Variants in WFDC9 observed in about 807,000 individuals in gnomAD.
WFDC9 encodes WAP four-disulfide core domain 9, also known as protein WFDC9.
Under a neutral mutation model 9.5 loss-of-function variants are expected in WFDC9, and 9 were observed. That is an observed-to-expected ratio of 0.95 (90% CI 0.57 to 1.65). The LOEUF is 1.65. Among genes scored for constraint, WFDC9 ranks in the 40% most tolerant of loss-of-function variants. The pLI, the probability that WFDC9 is intolerant of heterozygous loss-of-function variation, is 0.00. For missense variants in WFDC9, 87 were observed against 106.7 expected (o/e 0.82, Z 0.81); for synonymous variants, 33 against 32.3 (o/e 1.02, Z -0.07).
At chr20:45,629,768 C>G (rs1982310074) in intron 1 of WFDC9, 1 of 1,597,120 alleles carries the variant, frequency 6.3e-7, no homozygotes, top group South Asian at 1.1e-5. Flanking sequence ...GCAGGGAAGT[C>G]TGTGACAACC....
Position 45,631,066 on chromosome 20 carries a change from C to A in WFDC9, c.-153+137G>T, listed in dbSNP as rs116050679. ...GCATCCTGCTTCCCAACTCCTCTAT[C>A]CAAGACTGTGCCCACATCCGAAGCA... On this transcript the variant is annotated intron_variant, in intron 1 of 4. Coordinates refer to ENST00000326000, the MANE Select transcript of WFDC9 (RefSeq NM_147198.4). 2,443 of 1,515,428 alleles carry A rather than the reference C, an allele frequency of 1.6e-3. 19 individuals carry two copies. In the African/African-American group the frequency reaches 0.018, roughly 11 times the overall value. The allele number at this position is 1,515,428 out of a possible 1,614,324, so 93.9% of individuals were successfully genotyped here.
At chr20:45,609,455 C>A (rs1981808559) in intron 3 of WFDC9, among the ~76,000 whole-genome samples, 1 of 152,108 alleles carries the variant, frequency 6.6e-6, no homozygotes, top group Non-Finnish European at 1.5e-5. Flanking sequence ...CCCACCTCAG[C>A]CTCCCAAAGT....
chr20:45,608,628 C>T, intron 4 of WFDC9, 35 bp downstream of exon 4: 1 of 1,594,480 alleles, frequency 6.3e-7, no homozygotes. Context: ...ATGAAGCATG[C>T]CCAGGCCCTA....
At chr20:45,627,064 T>C (rs912433698) in intron 1 of WFDC9, among the ~76,000 whole-genome samples, 1 of 152,248 alleles carries the variant, frequency 6.6e-6, no homozygotes, top group African/African-American at 2.4e-5. Context: ...TTTCTGTATC[T>C]ACTGAGATTA....
At chr20:45,621,058 G>T (rs1357102400) in intron 1 of WFDC9, among the ~76,000 whole-genome samples, 1 of 151,828 alleles carries the variant, frequency 6.6e-6, no homozygotes, top group Non-Finnish European at 1.5e-5. Flanking sequence ...TTAAATATTT[G>T]TTTTTATTTC....
Position 45,608,004 on chromosome 20 carries a change from A to T in WFDC9, c.*106T>A. On this transcript the variant is annotated 3_prime_UTR_variant, in exon 5 of 5. Transcript: ENST00000326000. ...TAAAGAGGTCAAGGAAATAGCAGAA[A>T]GGTTACCAGCTAGAGCCAGTGGGTG... 1 of 1,270,116 alleles carries T rather than the reference A, an allele frequency of 7.9e-7. No homozygotes were observed. Among genetic ancestry groups the T allele is most frequent in the Non-Finnish European group, 1.1e-6 (1 of 880,944 alleles). The allele number at this position is 1,270,116 out of a possible 1,614,324, so 78.7% of individuals were successfully genotyped here. A position where few individuals can be genotyped will look rare whatever the true frequency, so the allele number is the denominator to read the frequency against.
At chr20:45,611,140 A>G (rs78045765) in intron 2 of WFDC9, among the ~76,000 whole-genome samples, 5,342 of 152,324 alleles carry the variant, frequency 0.035, 103 homozygotes, top group Middle Eastern at 0.088. Flanking sequence ...GACCAGAAGC[A>G]CAGAACCAGC....
rs549624135 is a variant in WFDC9 at position 45,619,871 on chromosome 20, G to A, written c.-152-5150C>T. Among the ~76,000 whole-genome samples the A allele has an allele frequency of 3.3e-5, 5 of 151,952 alleles. No individual in the cohort carries two copies. The East Asian group carries it at 5.8e-4, about 18-fold the overall frequency. On this transcript the variant is annotated intron_variant, in intron 1 of 4. Transcript: ENST00000326000. ...GAAACCTCGTCTCTACCAAAAATACGAAAAATTAGCCAGCCGTGGTGGTGG... is the reference window on the plus strand; with the variant it reads ...GAAACCTCGTCTCTACCAAAAATACAAAAAATTAGCCAGCCGTGGTGGTGG...
At chr20:45,610,665 T>C (rs966356307) in intron 2 of WFDC9, among the ~76,000 whole-genome samples, 1 of 152,226 alleles carries the variant, frequency 6.6e-6, no homozygotes, top group Non-Finnish European at 1.5e-5. Context: ...AAAGAAGTTT[T>C]AGTGAAGATC....
chr20:45,624,141 G>A (rs917027141), intron 1 of WFDC9, among the ~76,000 whole-genome samples: 30 of 152,234 alleles, frequency 2.0e-4, no homozygotes, highest in African/African-American at 7.0e-4. Context: ...GCAGTGAGTC[G>A]AGATCGTCCC....
intron 1 of WFDC9, 118 bp downstream of exon 1, chr20:45,631,085 C>A: frequency 6.8e-7 from 1 of 1,466,854 alleles, no homozygotes; most frequent in South Asian, 1.5e-5. Flanking sequence ...TGCCCACATC[C>A]GAAGCACAAG....
In WFDC9 at chr20:45,630,860, T is replaced by A. The variant is rs778098258; in HGVS notation, c.-153+343A>T. On this transcript the variant is annotated intron_variant, in intron 1 of 4. Transcript: ENST00000326000. ...ACTGCGTTTATTTACCGTTCTATTC[T>A]CCTTGTCAGAAACACAGCTATCCCC... is the stretch of plus-strand genomic sequence containing the variant. 2.5e-6 allele frequency: 4 copies of A among 1,590,996 alleles called. No individual in the cohort carries two copies. The Admixed American group carries it at 5.3e-5, about 21-fold the overall frequency.
intron 3 of WFDC9, among the ~76,000 whole-genome samples, chr20:45,609,198 T>TC (rs1449632318): frequency 1.3e-5 from 2 of 149,762 alleles, no homozygotes; most frequent in Admixed American, 1.3e-4. Context: ...TTACTTTTTT[T>TC]CCCCTTCTCT....
At chr20:45,608,597 A>C in intron 4 of WFDC9, 66 bp downstream of exon 4, 1 of 1,535,632 alleles carries the variant, frequency 6.5e-7, no homozygotes, top group Non-Finnish European at 8.7e-7. Context: ...CGGTCTTTTG[A>C]ATAGTCGGTA....
intron 1 of WFDC9, chr20:45,629,558 CGGCAAGAACACAAGACT>C (rs1421960738): frequency 1.2e-5 from 4 of 346,928 alleles, no homozygotes; most frequent in Non-Finnish European, 2.1e-5. Flanking sequence ...TTCATTCTAT[CGGCAAGAACACAAGACT>C]GGTTATGTGA....
intron 1 of WFDC9, chr20:45,629,891 G>A: frequency 6.2e-7 from 1 of 1,613,826 alleles, no homozygotes; most frequent in South Asian, 1.1e-5. Context: ...ACCGTGACAA[G>A]AAGAGGATGC....
In WFDC9 at chr20:45,618,377, T is replaced by C. The variant is rs1982018702; in HGVS notation, c.-152-3656A>G. Reference sequence around the variant, plus strand: ...TGTGTTCCCGGAGTAGAACTTTTAATTTCCATCAATAACTTTTCCTTTGCA... The same window carrying C: ...TGTGTTCCCGGAGTAGAACTTTTAACTTCCATCAATAACTTTTCCTTTGCA... On this transcript the variant is annotated intron_variant, in intron 1 of 4. Coordinates refer to ENST00000326000, the MANE Select transcript of WFDC9 (RefSeq NM_147198.4). 1.3e-5 allele frequency among the ~76,000 whole-genome samples: 2 copies of C among 152,354 alleles called. 1 individual carries two copies. Among genetic ancestry groups the C allele is most frequent in the South Asian group, 4.1e-4 (2 of 4,832 alleles).
At chr20:45,615,203 A>G (rs2072973) in intron 1 of WFDC9, among the ~76,000 whole-genome samples, 67,690 of 152,032 alleles carry the variant, frequency 0.45, 15,205 homozygotes, top group Middle Eastern at 0.55. Flanking sequence ...TGACCACCTA[A>G]CAAATGAAGG....
At chr20:45,610,309 T>C (rs1379757845) in intron 2 of WFDC9, 70 bp from the exon 3 acceptor site, 2 of 738,864 alleles carry the variant, frequency 2.7e-6, no homozygotes, top group African/African-American at 3.5e-5. Context: ...ATGACTATCA[T>C]GTTATTCTTT....
Sources: allele counts gnomAD v4.1 joint callset (sites outside exome capture counted in the v4.1 genomes callset), GRCh38; gene constraint gnomAD v4.1.1; transcripts MANE v1.5; gene names NCBI Gene and HGNC (gene_info 2026-07-23, HGNC 2026-07-21).